Variants in EIF4G3 observed in about 807,000 individuals in gnomAD.
EIF4G3 encodes the protein eIF-4-gamma 3.
A neutral mutation model predicts 186.4 loss-of-function variants in EIF4G3; 34 were observed. The observed-to-expected ratio is 0.18, with a 90% CI of 0.14 to 0.24. The LOEUF (loss-of-function observed/expected upper bound fraction) is 0.24, where lower values mean the gene tolerates loss of function less well. Ranked by LOEUF, EIF4G3 falls within the 10% of genes least tolerant of loss-of-function variation. EIF4G3 has a pLI of 1.00. For missense variants in EIF4G3, 1,536 were observed against 1,948.5 expected (o/e 0.79, Z 3.99); for synonymous variants, 673 against 679.5 (o/e 0.99, Z 0.15).
chr1:20,888,668 C>T (rs2084994402), intron 18 of EIF4G3, among the ~76,000 whole-genome samples: 1 of 152,054 alleles, frequency 6.6e-6, no homozygotes, highest in African/African-American at 2.4e-5. Context: ...ATATACAATG[C>T]CAGCCCTACC....
intron 18 of EIF4G3, among the ~76,000 whole-genome samples, chr1:20,890,769 TATATGTTG>T (rs200242998): frequency 0.011 from 1,735 of 152,340 alleles, 16 homozygotes; most frequent in Non-Finnish European, 0.018. Flanking sequence ...TTTGTTCCTT[TATATGTTG>T]ATATTTATGT....
At chr1:20,876,592 G>T (rs2080941634) in intron 20 of EIF4G3, among the ~76,000 whole-genome samples, 1 of 151,998 alleles carries the variant, frequency 6.6e-6, no homozygotes, top group African/African-American at 2.4e-5. Flanking sequence ...CATTCACAGT[G>T]ACCATCTGAT....
At position 20,872,713 on chromosome 1, in the gene EIF4G3, C is replaced by CTTTT. The variant is rs386366427; in HGVS notation, c.2622+6606_2622+6609dup. Among the ~76,000 whole-genome samples the CTTTT allele has an allele frequency of 4.9e-4, 40 of 81,876 alleles. 6 individuals are homozygous for CTTTT. Among genetic ancestry groups the CTTTT allele is most frequent in the Non-Finnish European group, 8.6e-4 (34 of 39,506 alleles). The allele number at this position is 81,876 out of a possible 152,430, so 53.7% of individuals were successfully genotyped here. ...TCCTAGACTTTTATAACTTTCTTGC[C>CTTTT]TTTTTTTTTTTTTTTTTTTTTTTGA... On this transcript the variant is annotated intron_variant, in intron 20 of 36. Coordinates refer to ENST00000602326, the MANE Select transcript of EIF4G3 (RefSeq NM_001391906.1).
chr1:20,915,619 A>C (rs763495372), intron 14 of EIF4G3, among the ~76,000 whole-genome samples: 11 of 152,250 alleles, frequency 7.2e-5, no homozygotes, highest in Admixed American at 1.3e-4. Context: ...AACAAAAAAA[A>C]CCATATGATT....
intron 12 of EIF4G3, among the ~76,000 whole-genome samples, chr1:20,957,293 A>G (rs1165700528): frequency 1.3e-5 from 2 of 152,192 alleles, no homozygotes; most frequent in African/African-American, 2.4e-5. Flanking sequence ...TCTACATGGT[A>G]TCTGGGTTAA....
chr1:21,130,188 A>G (rs868516027), intron 2 of EIF4G3, among the ~76,000 whole-genome samples: 1 of 149,702 alleles, frequency 6.7e-6, no homozygotes, highest in South Asian at 2.1e-4. Flanking sequence ...GTTGAAGACC[A>G]GACTGGGCAA....
At chr1:21,114,797 TG>T (rs1371635554) in intron 2 of EIF4G3, among the ~76,000 whole-genome samples, 1 of 152,186 alleles carries the variant, frequency 6.6e-6, no homozygotes, top group Non-Finnish European at 1.5e-5. Flanking sequence ...ATGTGCATGT[TG>T]GGGAAAAACT....
chr1:20,851,877 G>A (rs979482815), intron 27 of EIF4G3, among the ~76,000 whole-genome samples: 2 of 152,046 alleles, frequency 1.3e-5, no homozygotes, highest in South Asian at 2.1e-4. Context: ...AATTAGCCGG[G>A]TTTGGTGGCG....
chr1:21,118,067 C>A (rs1353408196), intron 2 of EIF4G3, among the ~76,000 whole-genome samples: 1 of 152,140 alleles, frequency 6.6e-6, no homozygotes, highest in Non-Finnish European at 1.5e-5. Flanking sequence ...TGGATTCCAG[C>A]AAAGATAATC....
chr1:20,909,090 T>C (rs2092759871), intron 14 of EIF4G3, among the ~76,000 whole-genome samples: 1 of 151,764 alleles, frequency 6.6e-6, no homozygotes, highest in Non-Finnish European at 1.5e-5. Context: ...AGATGGAGGT[T>C]GTAGTGAGCA....
At chr1:20,905,895 C>A (rs570874811) in intron 14 of EIF4G3, among the ~76,000 whole-genome samples, 1 of 152,232 alleles carries the variant, frequency 6.6e-6, no homozygotes, top group African/African-American at 2.4e-5. Flanking sequence ...TAATCTGATT[C>A]CCTACAGAAA....
chr1:21,018,474 C>T (rs371080854), intron 4 of EIF4G3, among the ~76,000 whole-genome samples: 76 of 151,494 alleles, frequency 5.0e-4, no homozygotes, highest in African/African-American at 1.8e-3. Context: ...GCAGGAGAAT[C>T]GCTTGAACCC....
At chr1:21,161,150 AAGAG>A (rs1162193495) in intron 2 of EIF4G3, among the ~76,000 whole-genome samples, 2 of 152,058 alleles carry the variant, frequency 1.3e-5, no homozygotes, top group Non-Finnish European at 2.9e-5. Flanking sequence ...CAGCTTGGGC[AAGAG>A]AGAGAGACTC....
intron 32 of EIF4G3, among the ~76,000 whole-genome samples, chr1:20,826,553 G>C (rs1296272546): frequency 8.7e-6 from 1 of 114,802 alleles, no homozygotes; most frequent in Non-Finnish European, 1.7e-5. Flanking sequence ...GCAGTGGCAT[G>C]ATCTCGGCTA....
At chr1:21,053,197 C>T (rs1015277787) in intron 3 of EIF4G3, among the ~76,000 whole-genome samples, 1 of 151,918 alleles carries the variant, frequency 6.6e-6, no homozygotes, top group Non-Finnish European at 1.5e-5. Context: ...CCTGCCACCC[C>T]GTCTGGGATG....
intron 8 of EIF4G3, among the ~76,000 whole-genome samples, chr1:20,982,099 C>T (rs1450878498): frequency 6.6e-6 from 1 of 152,110 alleles, no homozygotes; most frequent in East Asian, 1.9e-4. Context: ...TTTTCCTCTC[C>T]AAAAGGTGGC....
At chr1:21,062,292 T>G (rs1448143458) in intron 3 of EIF4G3, among the ~76,000 whole-genome samples, 1 of 152,026 alleles carries the variant, frequency 6.6e-6, no homozygotes, top group African/African-American at 2.4e-5. Flanking sequence ...ACTCCTGGGC[T>G]CAAGCAATCC....
intron 4 of EIF4G3, among the ~76,000 whole-genome samples, chr1:21,028,375 T>G (rs896631619): frequency 2.6e-5 from 4 of 152,218 alleles, no homozygotes; most frequent in African/African-American, 9.6e-5. Context: ...AGGTCACACA[T>G]GATGGCTAAT....
intron 15 of EIF4G3, among the ~76,000 whole-genome samples, chr1:20,903,574 T>C (rs996625680): frequency 1.3e-5 from 2 of 152,098 alleles, no homozygotes; most frequent in Admixed American, 6.6e-5. Context: ...GCAAAAGGAG[T>C]GCAATGACTA....
Sources: allele counts gnomAD v4.1 joint callset (sites outside exome capture counted in the v4.1 genomes callset), GRCh38; gene constraint gnomAD v4.1.1; transcripts MANE v1.5; gene names NCBI Gene and HGNC (gene_info 2026-07-23, HGNC 2026-07-21).